PCDHA4: variants seen among roughly 807,000 people sequenced by gnomAD.
PCDHA4 encodes the protein protocadherin alpha-4.
In PCDHA4, 49 loss-of-function variants were observed where a neutral mutation model predicts 61.4. The ratio of observed to expected loss-of-function variants is 0.80; its 90% CI spans 0.63 to 1.01. PCDHA4 has a LOEUF of 1.01. Ranked by LOEUF, PCDHA4 falls within the 50% of genes least tolerant of loss-of-function variation. The pLI is 0.00. For synonymous variants in PCDHA4, 590 were observed against 550.3 expected (o/e 1.07, Z -1.01); for missense variants, 1,254 against 1,235.8 (o/e 1.01, Z -0.22).
In PCDHA4 at chr5:140,823,899, C is replaced by A. The variant is rs2150130137; in HGVS notation, c.2385+14327C>A. ...TCATCGCCATCTGTGCGGTGTCCAG[C>A]CTGCTGGTGCTCACGCTGCTGCTGT... On this transcript the variant is annotated intron_variant, in intron 1 of 3. Transcript: ENST00000530339. 15 of 1,613,858 alleles carry A rather than the reference C, an allele frequency of 9.3e-6. No individual in the cohort carries two copies. The African/African-American group carries it at 1.7e-4, about 19-fold the overall frequency.
intron 3 of PCDHA4, among the ~76,000 whole-genome samples, chr5:141,007,031 T>C (rs1554261019): frequency 6.6e-6 from 1 of 152,144 alleles, no homozygotes; most frequent in African/African-American, 2.4e-5. Flanking sequence ...ATGGTATTTA[T>C]ATCTATGGAT....
chr5:140,869,758 A>AAACC, intron 1 of PCDHA4: 1 of 1,613,288 alleles, frequency 6.2e-7, no homozygotes, highest in Non-Finnish European at 8.5e-7. Context: ...AGACGGGGGA[A>AAACC]AACCAGAGCT....
intron 1 of PCDHA4, chr5:140,883,601 G>T: frequency 1.2e-6 from 2 of 1,614,022 alleles, no homozygotes; most frequent in Non-Finnish European, 1.7e-6. Flanking sequence ...GTCGGTGGGG[G>T]TGGCCGACGT....
At chr5:141,009,482 C>T in intron 3 of PCDHA4, 145 bp from the exon 4 acceptor site, 1 of 1,446,086 alleles carries the variant, frequency 6.9e-7, no homozygotes, top group Non-Finnish European at 9.1e-7. Flanking sequence ...TAAACACTTG[C>T]CTTGCCCTCA....
chr5:140,848,233 T>A lies in PCDHA4; in HGVS notation c.2385+38661T>A. 2 of 410,950 alleles carry A rather than the reference T, an allele frequency of 4.9e-6. 1 individual carries two copies. The allele number at this position is 410,950 out of a possible 1,614,324, so 25.5% of individuals were successfully genotyped here. A position where few individuals can be genotyped will look rare whatever the true frequency, so the allele number is the denominator to read the frequency against. Reference sequence around the variant, plus strand: ...TTAAGAAAAAATTAAGAAAATGAAATAAGTTTTGCAGAATAACTGTGAAAT... The same window carrying A: ...TTAAGAAAAAATTAAGAAAATGAAAAAAGTTTTGCAGAATAACTGTGAAAT... On this transcript the variant is annotated intron_variant, in intron 1 of 3. Transcript: ENST00000530339.
At chr5:140,893,575 T>C (rs930167579) in intron 1 of PCDHA4, among the ~76,000 whole-genome samples, 6 of 152,220 alleles carry the variant, frequency 3.9e-5, no homozygotes, top group Non-Finnish European at 7.3e-5. Flanking sequence ...CCTCAGTTTT[T>C]GCTTGTTTGG....
In PCDHA4 at chr5:140,927,151, T is replaced by C. The variant is rs781865588; in HGVS notation, c.2386-51798T>C. ...AGAGCCGGCGGACCGCGAACAGCTGTGCAGGGCCAAAGCTGCCTGCGTCTT... is the reference window on the plus strand; with the variant it reads ...AGAGCCGGCGGACCGCGAACAGCTGCGCAGGGCCAAAGCTGCCTGCGTCTT... On this transcript the variant is annotated intron_variant, in intron 1 of 3. Coordinates refer to ENST00000530339, the MANE Select transcript of PCDHA4 (RefSeq NM_018907.4). 15 of 1,614,128 alleles carry C rather than the reference T, an allele frequency of 9.3e-6. No homozygotes were observed. In the East Asian group the frequency reaches 3.3e-4, roughly 36 times the overall value.
intron 3 of PCDHA4, among the ~76,000 whole-genome samples, chr5:140,995,413 C>T (rs1554254672): frequency 6.6e-6 from 1 of 152,176 alleles, no homozygotes; most frequent in East Asian, 1.9e-4. Flanking sequence ...GATTTCATCA[C>T]ATTACTCAGA....
Position 140,885,215 on chromosome 5 carries a change from A to T in PCDHA4, c.2385+75643A>T, listed in dbSNP as rs564445744. Among the ~76,000 whole-genome samples the T allele has an allele frequency of 2.8e-3, 423 of 152,102 alleles. 2 individuals carry two copies. The highest frequency in any genetic ancestry group is 0.014 in the Middle Eastern group (4 of 294). On this transcript the variant is annotated intron_variant, in intron 1 of 3. Transcript: ENST00000530339. ...CCCTCTCATATATCCCATGAAAAAT[A>T]TCTTGTGATTCTGCTTTCAATTTTT... is the stretch of plus-strand genomic sequence containing the variant.
Position 140,842,470 on chromosome 5 carries a change from G to T in PCDHA4, c.2385+32898G>T, listed in dbSNP as rs2150336906. 2.9e-5 allele frequency: 47 copies of T among 1,613,802 alleles called. 1 individual carries two copies. Among genetic ancestry groups the T allele is most frequent in the South Asian group, 2.4e-4 (22 of 91,082 alleles). ...ACGACCTCGATTCAGGTGCCAACGG[G>T]CAGGTGACCTGCTCCCTGATGCCCC... is the stretch of plus-strand genomic sequence containing the variant. On this transcript the variant is annotated intron_variant, in intron 1 of 3. Transcript: ENST00000530339.
At chr5:140,936,577 A>G (rs776415020) in intron 1 of PCDHA4, among the ~76,000 whole-genome samples, 1 of 152,186 alleles carries the variant, frequency 6.6e-6, no homozygotes, top group Non-Finnish European at 1.5e-5. Flanking sequence ...TCCACTTGTA[A>G]ATCCAGTTAG....
intron 1 of PCDHA4, chr5:140,927,052 A>G: frequency 6.2e-7 from 1 of 1,611,924 alleles, no homozygotes; most frequent in Middle Eastern, 1.7e-4. Flanking sequence ...GTCCTCGCGG[A>G]ACTTTCGCTT....
chr5:140,914,187 A>G (rs2076635858), intron 1 of PCDHA4, among the ~76,000 whole-genome samples: 1 of 152,110 alleles, frequency 6.6e-6, no homozygotes, highest in African/African-American at 2.4e-5. Flanking sequence ...TTCTCCACCT[A>G]TTATTGTATT....
At chr5:140,835,823 G>A (rs2150245934) in intron 1 of PCDHA4, 1 of 1,612,580 alleles carries the variant, frequency 6.2e-7, no homozygotes, top group Admixed American at 1.7e-5. Flanking sequence ...TGTCGGCGGG[G>A]GACGCGGACG....
At chr5:140,958,921 G>A (rs269549) in intron 1 of PCDHA4, among the ~76,000 whole-genome samples, 34,177 of 150,822 alleles carry the variant, frequency 0.23, 4,980 homozygotes, top group African/African-American at 0.42. Context: ...GCCTGGGTGT[G>A]GTGGCTCATA....
intron 1 of PCDHA4, among the ~76,000 whole-genome samples, chr5:140,906,628 G>A (rs976764797): frequency 2.0e-5 from 3 of 152,180 alleles, no homozygotes; most frequent in African/African-American, 7.2e-5. Context: ...CCTTCAGCAA[G>A]CACCTCAGCA....
intron 1 of PCDHA4, chr5:140,966,480 TC>T: frequency 2.3e-6 from 1 of 431,902 alleles, no homozygotes; most frequent in Admixed American, 4.4e-5. Flanking sequence ...TGTTTCCTTT[TC>T]CCTCCCCCTG....
At chr5:140,828,569 G>C in intron 1 of PCDHA4, 1 of 1,614,252 alleles carries the variant, frequency 6.2e-7, no homozygotes, top group Non-Finnish European at 8.5e-7. Flanking sequence ...CGCGTCCGAT[G>C]CAGATGTTGG....
chr5:140,918,585 T>A (rs147777186), intron 1 of PCDHA4, among the ~76,000 whole-genome samples: 51 of 152,368 alleles, frequency 3.3e-4, no homozygotes, highest in African/African-American at 9.9e-4. Context: ...ATTGGCTATA[T>A]GTTCTATAGA....
Sources: gnomAD v4.1 joint callset for allele counts (sites outside exome capture counted in the v4.1 genomes callset) on GRCh38, gnomAD v4.1.1 for gene constraint, MANE v1.5 for transcripts, NCBI Gene and HGNC (gene_info 2026-07-23, HGNC 2026-07-21) for gene names.